MBNL2: variants seen among roughly 807,000 people sequenced by gnomAD.
MBNL2 encodes muscleblind like splicing regulator 2.
MBNL2 carries 17 observed loss-of-function variants against 41.9 expected under a neutral mutation model. That is an observed-to-expected ratio of 0.41 (90% CI 0.28 to 0.61). The LOEUF is 0.61. Ranked by LOEUF, MBNL2 falls within the 20% of genes least tolerant of loss-of-function variation. The pLI is 0.35. For synonymous variants in MBNL2, 195 were observed against 182.9 expected (o/e 1.07, Z -0.53); for missense variants, 336 against 505.6 (o/e 0.66, Z 3.22).
intron 2 of MBNL2, among the ~76,000 whole-genome samples, chr13:97,316,364 C>G (rs2059054984): frequency 6.6e-6 from 1 of 152,212 alleles, no homozygotes; most frequent in Non-Finnish European, 1.5e-5. Context: ...TCGGTCCATT[C>G]TCACACAGTA....
intron 1 of MBNL2, among the ~76,000 whole-genome samples, chr13:97,226,021 G>GTTT (rs553659328): frequency 6.7e-6 from 1 of 149,502 alleles, no homozygotes; most frequent in African/African-American, 2.5e-5. Context: ...ACTCTTCTCA[G>GTTT]TTTTTTTTTT....
At chr13:97,222,750 A>G (rs746048336) in intron 1 of MBNL2, among the ~76,000 whole-genome samples, 45 of 152,216 alleles carry the variant, frequency 3.0e-4, no homozygotes, top group Admixed American at 1.3e-4. Flanking sequence ...CAAGAAATCG[A>G]GTTTTTATGC....
rs747580264 is a variant in MBNL2, at chr13:97,366,679, A to C, written c.1048+1508A>C. ...TCCATCAAATTTTATTTTTTTAATT[A>C]GTTTATAGCAAGCATTTACAGACAG... On this transcript the variant is annotated intron_variant, in intron 8 of 8. Coordinates refer to ENST00000679496, the MANE Select transcript of MBNL2 (RefSeq NM_001382683.1). This position sits in a 1 kb window ranked among gnomAD's most constrained non-coding sequence, Gnocchi z 4.7. The C allele has an allele frequency of 7.0e-6, 5 of 715,836 alleles. No individual in the cohort carries two copies. In the South Asian group the frequency reaches 7.7e-5, roughly 11 times the overall value. The allele number at this position is 715,836 out of a possible 1,614,324, so 44.3% of individuals were successfully genotyped here.
chr13:97,238,162 G>A (rs1046691473), intron 1 of MBNL2, among the ~76,000 whole-genome samples: 5 of 152,220 alleles, frequency 3.3e-5, no homozygotes, highest in Middle Eastern at 3.2e-3. Flanking sequence ...TCTGTAGCGT[G>A]TGGAGCCCAA....
intron 1 of MBNL2, among the ~76,000 whole-genome samples, chr13:97,226,236 T>C (rs1309220360): frequency 6.6e-6 from 1 of 152,224 alleles, no homozygotes; most frequent in East Asian, 1.9e-4. Flanking sequence ...AGGGTTTCTT[T>C]TGTAAACCTG....
intron 2 of MBNL2, among the ~76,000 whole-genome samples, chr13:97,301,976 T>A (rs1194945048): frequency 6.6e-6 from 1 of 152,200 alleles, no homozygotes; most frequent in Non-Finnish European, 1.5e-5. Context: ...CTTGCTCAGC[T>A]CTTCATGAGG....
intron 1 of MBNL2, among the ~76,000 whole-genome samples, chr13:97,237,271 C>A (rs1421203134): frequency 6.6e-6 from 1 of 152,196 alleles, no homozygotes; most frequent in East Asian, 1.9e-4. Flanking sequence ...GTGAGGGACC[C>A]TTTGTCAGTG....
intron 8 of MBNL2, among the ~76,000 whole-genome samples, chr13:97,387,210 T>G (rs1225543962): frequency 6.6e-6 from 1 of 152,076 alleles, no homozygotes; most frequent in Non-Finnish European, 1.5e-5. Context: ...GAAATATAGC[T>G]TGTTGAATAT....
chr13:97,329,559 A>G (rs927939650), intron 2 of MBNL2, among the ~76,000 whole-genome samples: 7 of 57,358 alleles, frequency 1.2e-4, no homozygotes, highest in African/African-American at 2.0e-4. Flanking sequence ...CTGCCCCTAG[A>G]TGGGACATTC....
chr13:97,382,134 G>A (rs2065504475), intron 8 of MBNL2, among the ~76,000 whole-genome samples: 1 of 152,106 alleles, frequency 6.6e-6, no homozygotes, highest in Non-Finnish European at 1.5e-5. Context: ...TGATTTAGTA[G>A]AGGAATTTAT....
At chr13:97,258,972 C>T (rs148474951) in intron 1 of MBNL2, among the ~76,000 whole-genome samples, 1 of 152,276 alleles carries the variant, frequency 6.6e-6, no homozygotes, top group East Asian at 1.9e-4. Flanking sequence ...TGTTAACCCC[C>T]AGAGTATGCA....
At chr13:97,379,386 CTTT>C (rs2065231115) in intron 8 of MBNL2, among the ~76,000 whole-genome samples, 1 of 152,124 alleles carries the variant, frequency 6.6e-6, no homozygotes, top group South Asian at 2.1e-4. Context: ...TCGAGACTCA[CTTT>C]TTAATTTTTA....
rs1566377953 is a variant in MBNL2, at chr13:97,268,104, T to TTCCTTC, written c.-604-7528_-604-7527insTCCTTC. ...TCCTTCCTTCCTTCCTTCCTTCCTT[T>TTCCTTC]CTTTCTTTTGAGACAGCGTCGCTCT... On this transcript the variant is annotated intron_variant, in intron 1 of 8. Transcript: ENST00000679496. This position sits in a 1 kb window ranked among gnomAD's most constrained non-coding sequence, Gnocchi z 4.6. Among the ~76,000 whole-genome samples the TTCCTTC allele has an allele frequency of 1.8e-5, 2 of 111,202 alleles. No homozygotes were observed. The highest frequency in any genetic ancestry group is 3.0e-4 in the East Asian group (1 of 3,306). 73.0% of individuals were successfully genotyped at this position (111,202 alleles called of 152,430 possible). A position where few individuals can be genotyped will look rare whatever the true frequency, so the allele number is the denominator to read the frequency against.
At chr13:97,231,956 T>C (rs2042444381) in intron 1 of MBNL2, among the ~76,000 whole-genome samples, 1 of 152,216 alleles carries the variant, frequency 6.6e-6, no homozygotes, top group Admixed American at 6.5e-5. Context: ...CTCTGACACA[T>C]TCATTCCCTA....
At chr13:97,196,965 A>C in the MBNL2 span, among the ~76,000 whole-genome samples, 14 of 152,192 alleles carry the variant, frequency 9.2e-5, no homozygotes, top group Admixed American at 2.0e-4. Flanking sequence ...ACATAGACCA[A>C]GGGTCACCAA....
At chr13:97,142,970 C>T in the MBNL2 span, among the ~76,000 whole-genome samples, 1 of 152,106 alleles carries the variant, frequency 6.6e-6, no homozygotes, top group South Asian at 2.1e-4. Flanking sequence ...CAAGAAGCAC[C>T]GGATCAGATC....
chr13:97,151,045 A>G, the MBNL2 span, among the ~76,000 whole-genome samples: 1 of 152,178 alleles, frequency 6.6e-6, no homozygotes, highest in African/African-American at 2.4e-5. Flanking sequence ...AGAGGTTAAA[A>G]AAGACAGAAA....
the MBNL2 span, among the ~76,000 whole-genome samples, chr13:97,197,989 GC>G: frequency 6.6e-6 from 1 of 152,094 alleles, no homozygotes; most frequent in Non-Finnish European, 1.5e-5. Flanking sequence ...ATATTGAGTT[GC>G]CTTCCTCTGA....
chr13:97,169,047 C>A, the MBNL2 span, among the ~76,000 whole-genome samples: 31 of 152,146 alleles, frequency 2.0e-4, no homozygotes, highest in Admixed American at 1.4e-3. Context: ...TCTACTCCCC[C>A]CTTTGTCGCA....
Sources: allele counts gnomAD v4.1 joint callset (sites outside exome capture counted in the v4.1 genomes callset), GRCh38; gene constraint gnomAD v4.1.1; non-coding constraint Gnocchi (gnomAD v3.1); transcripts MANE v1.5; gene names NCBI Gene and HGNC (gene_info 2026-07-23, HGNC 2026-07-21).